The following ERC2 variants were observed in gnomAD, a reference collection of about 807,000 sequenced individuals.
ERC2 encodes the protein ELKS/RAB6-interacting/CAST family member 2, also known as ERC protein 2.
A neutral mutation model predicts 114.8 loss-of-function variants in ERC2; 42 were observed. That is an observed-to-expected ratio of 0.37 (90% CI 0.29 to 0.47). The LOEUF is 0.47. Among genes scored for constraint, ERC2 ranks in the 20% least tolerant of loss-of-function variants. The pLI is 0.99. For missense variants in ERC2, 939 were observed against 1,150.7 expected, an observed-to-expected ratio of 0.82 and a Z score of 2.66; for synonymous variants, 454 against 425.5, an observed-to-expected ratio of 1.07 and a Z score of -0.82.
chr3:56,309,721 C>T (rs2056431281), intron 2 of ERC2, among the ~76,000 whole-genome samples: 1 of 152,198 alleles, frequency 6.6e-6, no homozygotes, highest in Admixed American at 6.5e-5. Flanking sequence ...ACAGGAGATG[C>T]TTACTGAGTG....
intron 6 of ERC2, among the ~76,000 whole-genome samples, chr3:56,113,903 G>A (rs1451462887): frequency 6.6e-6 from 1 of 152,196 alleles, no homozygotes; most frequent in Non-Finnish European, 1.5e-5. Flanking sequence ...GTGAATATAG[G>A]CTTATTACTG....
At chr3:55,830,414 G>T (rs1032960818) in intron 14 of ERC2, among the ~76,000 whole-genome samples, 1 of 152,184 alleles carries the variant, frequency 6.6e-6, no homozygotes, top group African/African-American at 2.4e-5. Context: ...AAATATAATG[G>T]ACTATTTTTC....
chr3:55,921,177 A>G (rs114469785), intron 13 of ERC2, among the ~76,000 whole-genome samples: 289 of 152,264 alleles, frequency 1.9e-3, no homozygotes, highest in African/African-American at 6.8e-3. Context: ...AGCGGCTTCA[A>G]TTGAATCAGT....
intron 14 of ERC2, among the ~76,000 whole-genome samples, chr3:55,823,563 T>C (rs1373749431): frequency 6.6e-6 from 1 of 152,142 alleles, no homozygotes; most frequent in African/African-American, 2.4e-5. Context: ...GACATGGGCT[T>C]TGAGAGGGAC....
At chr3:55,511,528 G>A (rs1311712661) in intron 17 of ERC2, among the ~76,000 whole-genome samples, 1 of 152,166 alleles carries the variant, frequency 6.6e-6, no homozygotes, top group Admixed American at 6.5e-5. Context: ...TCACGTATAT[G>A]TATAAATGTC....
chr3:55,844,555 A>G lies in ERC2; in HGVS notation c.2564+43834T>C, dbSNP rs150909265. On this transcript the variant is annotated intron_variant, in intron 14 of 17. Coordinates refer to ENST00000288221, the MANE Select transcript of ERC2 (RefSeq NM_015576.3). ...ATCTTTGAGAGAAAAAATGACTAGGAAGGCAAGACTTCTACAGTGCTCAAG... is the reference window on the plus strand; with the variant it reads ...ATCTTTGAGAGAAAAAATGACTAGGGAGGCAAGACTTCTACAGTGCTCAAG... Among the ~76,000 whole-genome samples the G allele has an allele frequency of 1.7e-3, 255 of 152,316 alleles. 1 individual carries two copies. Among genetic ancestry groups the G allele is most frequent in the African/African-American group, 5.7e-3 (237 of 41,580 alleles).
chr3:55,711,672 T>A (rs1576258082), intron 15 of ERC2, among the ~76,000 whole-genome samples: 1 of 152,226 alleles, frequency 6.6e-6, no homozygotes, highest in Non-Finnish European at 1.5e-5. Flanking sequence ...TATGGACATA[T>A]AATAAGTGTT....
At chr3:55,951,426 T>C (rs2067495940) in intron 12 of ERC2, among the ~76,000 whole-genome samples, 1 of 152,208 alleles carries the variant, frequency 6.6e-6, no homozygotes, top group South Asian at 2.1e-4. Flanking sequence ...ATCTACAGGA[T>C]GTCAAAGTGC....
intron 7 of ERC2, among the ~76,000 whole-genome samples, chr3:56,065,507 T>C (rs1303103234): frequency 6.6e-6 from 1 of 151,752 alleles, no homozygotes; most frequent in African/African-American, 2.4e-5. Flanking sequence ...TATTCTGACA[T>C]GGACTACTTT....
At chr3:55,866,967 A>C (rs796374245) in intron 14 of ERC2, among the ~76,000 whole-genome samples, 23 of 152,236 alleles carry the variant, frequency 1.5e-4, no homozygotes, top group African/African-American at 5.5e-4. Flanking sequence ...ATAATATAAA[A>C]ATGGTTATAC....
intron 12 of ERC2, among the ~76,000 whole-genome samples, chr3:55,963,417 C>T (rs779576682): frequency 6.6e-6 from 1 of 152,162 alleles, no homozygotes; most frequent in Admixed American, 6.5e-5. Flanking sequence ...AAGCTCAACA[C>T]AACGTTCCCT....
intron 17 of ERC2, among the ~76,000 whole-genome samples, chr3:55,669,632 G>A (rs1176594098): frequency 6.6e-6 from 1 of 152,158 alleles, no homozygotes; most frequent in Non-Finnish European, 1.5e-5. Context: ...AATTCCAATG[G>A]GCTATTAACT....
chr3:56,368,194 A>T (rs2059228615), intron 2 of ERC2, among the ~76,000 whole-genome samples: 1 of 151,420 alleles, frequency 6.6e-6, no homozygotes, highest in Non-Finnish European at 1.5e-5. Context: ...TTAAAAAAAA[A>T]AAAAAAGCAA....
intron 17 of ERC2, among the ~76,000 whole-genome samples, chr3:55,624,794 G>A (rs543467439): frequency 6.6e-6 from 1 of 152,168 alleles, no homozygotes; most frequent in Admixed American, 6.5e-5. Context: ...GTGTCGGTAT[G>A]ATAAAGAAAA....
intron 3 of ERC2, among the ~76,000 whole-genome samples, chr3:56,215,491 A>T (rs1301946212): frequency 6.6e-6 from 1 of 152,246 alleles, no homozygotes; most frequent in African/African-American, 2.4e-5. Context: ...AGATTCATAA[A>T]GTAAGTCCTT....
At chr3:55,583,890 C>CT (rs575244926) in intron 17 of ERC2, among the ~76,000 whole-genome samples, 61 of 151,102 alleles carry the variant, frequency 4.0e-4, no homozygotes, top group African/African-American at 1.4e-3. Context: ...ACTTGCTAGC[C>CT]CCCCTCCCAA....
chr3:55,631,131 C>T (rs1409326453), intron 17 of ERC2, among the ~76,000 whole-genome samples: 1 of 151,930 alleles, frequency 6.6e-6, no homozygotes, highest in African/African-American at 2.4e-5. Flanking sequence ...GGGACACACA[C>T]CACATTGCGA....
chr3:56,452,812 C>T (rs2062880284), intron 1 of ERC2, among the ~76,000 whole-genome samples: 1 of 152,128 alleles, frequency 6.6e-6, no homozygotes, highest in African/African-American at 2.4e-5. Flanking sequence ...ATGGCTACTT[C>T]ACAAAAATAA....
chr3:55,656,485 C>G (rs1388947972), intron 17 of ERC2, among the ~76,000 whole-genome samples: 1 of 152,118 alleles, frequency 6.6e-6, no homozygotes. Context: ...GGTAGCTATG[C>G]CATCACCCAG....
Sources: allele counts gnomAD v4.1 joint callset (sites outside exome capture counted in the v4.1 genomes callset), GRCh38; gene constraint gnomAD v4.1.1; transcripts MANE v1.5; gene names NCBI Gene and HGNC (gene_info 2026-07-23, HGNC 2026-07-21).